The following TOM1L2 variants were observed in gnomAD, a reference collection of about 807,000 sequenced individuals.
The protein encoded by TOM1L2 is target of myb1 like 2 membrane trafficking protein.
Under a neutral mutation model 67.9 loss-of-function variants are expected in TOM1L2, and 31 were observed. That is an observed-to-expected ratio of 0.46 (90% CI 0.34 to 0.62). The LOEUF (loss-of-function observed/expected upper bound fraction) is 0.62. TOM1L2 is among the 20% of genes least tolerant of loss of function. The pLI is 0.01. For synonymous variants in TOM1L2, 256 were observed against 254.0 expected (o/e 1.01, Z -0.07); for missense variants, 606 against 663.5 (o/e 0.91, Z 0.95).
At chr17:17,896,909 C>T (rs989344267) in intron 3 of TOM1L2, among the ~76,000 whole-genome samples, 1 of 152,180 alleles carries the variant, frequency 6.6e-6, no homozygotes, top group African/African-American at 2.4e-5. Flanking sequence ...GAAGCCCTAT[C>T]AGCAGACGTG....
intron 1 of TOM1L2, among the ~76,000 whole-genome samples, chr17:17,968,229 C>A (rs1174132360): frequency 6.6e-6 from 1 of 152,164 alleles, no homozygotes; most frequent in African/African-American, 2.4e-5. Flanking sequence ...ACAGGCCTGG[C>A]CCCCCACAGG....
At chr17:17,928,603 T>C (rs948359106) in intron 1 of TOM1L2, among the ~76,000 whole-genome samples, 1 of 152,124 alleles carries the variant, frequency 6.6e-6, no homozygotes. Context: ...ACACACGAGA[T>C]GAATTAATTG....
intron 14 of TOM1L2, among the ~76,000 whole-genome samples, chr17:17,848,022 G>A (rs951994936): frequency 1.3e-5 from 2 of 151,960 alleles, no homozygotes; most frequent in African/African-American, 2.4e-5. Flanking sequence ...TCACCCTACC[G>A]CTGACCATTT....
intron 2 of TOM1L2, among the ~76,000 whole-genome samples, chr17:17,906,048 C>T (rs892474762): frequency 6.6e-6 from 1 of 151,682 alleles, no homozygotes; most frequent in African/African-American, 2.4e-5. Flanking sequence ...ATAATCCTCA[C>T]CCCCTACTCC....
intron 12 of TOM1L2, among the ~76,000 whole-genome samples, chr17:17,853,455 G>GCCCA (rs2036100622): frequency 6.6e-6 from 1 of 152,148 alleles, no homozygotes; most frequent in African/African-American, 2.4e-5. Context: ...TTGAGGCCTG[G>GCCCA]GGTCATACTT....
intron 1 of TOM1L2, among the ~76,000 whole-genome samples, chr17:17,930,156 A>C (rs2144691555): frequency 6.6e-6 from 1 of 152,340 alleles, no homozygotes; most frequent in South Asian, 2.1e-4. Context: ...TCAGACCATG[A>C]GACAGCCTCT....
intron 5 of TOM1L2, 38 bp from the exon 6 acceptor site, chr17:17,882,901 C>A (rs2037804328): frequency 1.2e-6 from 2 of 1,609,870 alleles, no homozygotes; most frequent in Admixed American, 3.3e-5. Context: ...TTTACCTGGG[C>A]TGCCTGCATA....
rs1435553398 is a variant in TOM1L2 at position 17,846,236 on chromosome 17, G to A, written c.*1399C>T. The A allele has an allele frequency of 6.6e-6, 1 of 152,406 alleles. No homozygotes were observed. The highest frequency in any genetic ancestry group is 1.9e-4 in the East Asian group (1 of 5,202). 9.4% of individuals were successfully genotyped at this position (152,406 alleles called of 1,614,324 possible). A position where few individuals can be genotyped will look rare whatever the true frequency, so the allele number is the denominator to read the frequency against. ...ACTACACCATGGATCAGGAACCTGT[G>A]CTGACCTAGGCAGTGCATGCTGGAG... On this transcript the variant is annotated 3_prime_UTR_variant, in exon 15 of 15. Transcript: ENST00000379504.
chr17:17,936,673 T>A (rs1276485993), intron 1 of TOM1L2, among the ~76,000 whole-genome samples: 1 of 152,186 alleles, frequency 6.6e-6, no homozygotes, highest in African/African-American at 2.4e-5. Context: ...CATTTAATAA[T>A]GATATTTATA....
intron 1 of TOM1L2, among the ~76,000 whole-genome samples, chr17:17,916,637 C>T (rs2039640142): frequency 6.6e-6 from 1 of 152,198 alleles, no homozygotes; most frequent in South Asian, 2.1e-4. Flanking sequence ...ATGTGTCTTT[C>T]CTTATTCCAA....
chr17:17,957,673 A>G (rs1358192923), intron 1 of TOM1L2, among the ~76,000 whole-genome samples: 1 of 151,332 alleles, frequency 6.6e-6, no homozygotes, highest in Non-Finnish European at 1.5e-5. Flanking sequence ...TAAAATATGT[A>G]TATGTATATA....
At chr17:17,951,550 A>G (rs564834203) in intron 1 of TOM1L2, among the ~76,000 whole-genome samples, 2 of 152,332 alleles carry the variant, frequency 1.3e-5, no homozygotes, top group South Asian at 4.1e-4. Context: ...GCAGACAGGT[A>G]AGGCAAATAA....
At chr17:17,861,229 C>A (rs1471317598) in intron 12 of TOM1L2, among the ~76,000 whole-genome samples, 1 of 152,186 alleles carries the variant, frequency 6.6e-6, no homozygotes, top group African/African-American at 2.4e-5. Flanking sequence ...CTGTCTCCCA[C>A]CTGCCTGGGA....
intron 7 of TOM1L2, among the ~76,000 whole-genome samples, chr17:17,873,958 A>ATT (rs570992376): frequency 2.1e-5 from 3 of 141,286 alleles, no homozygotes; most frequent in Non-Finnish European, 3.1e-5. Context: ...TTACTTACTT[A>ATT]TTTTTTTTTT....
At chr17:17,871,383 T>C (rs1598227311) in intron 7 of TOM1L2, among the ~76,000 whole-genome samples, 1 of 146,414 alleles carries the variant, frequency 6.8e-6, no homozygotes, top group African/African-American at 2.5e-5. Flanking sequence ...AAAAAAGTAT[T>C]CAGAGGCCAA....
chr17:17,925,998 T>C (rs1018128882), intron 1 of TOM1L2, among the ~76,000 whole-genome samples: 1 of 151,788 alleles, frequency 6.6e-6, no homozygotes, highest in South Asian at 2.1e-4. Flanking sequence ...CAGCAAGACC[T>C]TGTCTCTACC....
chr17:17,848,891 G>T, intron 13 of TOM1L2, 32 bp from the exon 14 acceptor site: 1 of 1,613,782 alleles, frequency 6.2e-7, no homozygotes, highest in Non-Finnish European at 8.5e-7. Flanking sequence ...TGAAATTAGG[G>T]CACTGGTCCA....
intron 5 of TOM1L2, 35 bp downstream of exon 5, chr17:17,884,599 T>C (rs768626903): frequency 1.2e-6 from 2 of 1,613,236 alleles, no homozygotes; most frequent in South Asian, 1.1e-5. Flanking sequence ...CGTTCTGCAG[T>C]AGGTCTTTCT....
At chr17:17,962,474 G>A (rs540058953) in intron 1 of TOM1L2, among the ~76,000 whole-genome samples, 21 of 151,982 alleles carry the variant, frequency 1.4e-4, no homozygotes, top group Middle Eastern at 3.4e-3. Flanking sequence ...TGCCATGCCC[G>A]GCTAATTTTT....
Sources: gnomAD v4.1 joint callset for allele counts (sites outside exome capture counted in the v4.1 genomes callset) on GRCh38, gnomAD v4.1.1 for gene constraint, MANE v1.5 for transcripts, NCBI Gene and HGNC (gene_info 2026-07-23, HGNC 2026-07-21) for gene names.